The following SNX25 variants were observed in gnomAD, a reference collection of about 807,000 sequenced individuals.
SNX25 encodes sorting nexin-25.
A neutral mutation model predicts 113.7 loss-of-function variants in SNX25; 62 were observed. The observed-to-expected ratio is 0.55, with a 90% confidence interval of 0.44 to 0.67. The LOEUF (loss-of-function observed/expected upper bound fraction) is 0.67. Among genes scored for constraint, SNX25 ranks in the 30% least tolerant of loss-of-function variants. The pLI is 0.00. For synonymous variants in SNX25, 421 were observed against 436.2 expected (o/e 0.97, Z 0.43); for missense variants, 1,014 against 1,161.0 (o/e 0.87, Z 1.84).
intron 10 of SNX25, among the ~76,000 whole-genome samples, chr4:185,338,435 C>A (rs544680090): frequency 1.2e-4 from 18 of 151,932 alleles, no homozygotes; most frequent in Admixed American, 1.2e-3. Context: ...CCCCCAACCC[C>A]CTCCACCACA....
intron 7 of SNX25, among the ~76,000 whole-genome samples, chr4:185,315,536 C>T (rs890693686): frequency 2.0e-5 from 3 of 152,012 alleles, no homozygotes; most frequent in East Asian, 1.9e-4. Context: ...TCAGGTGATC[C>T]GCCTGCCTCT....
intron 2 of SNX25, among the ~76,000 whole-genome samples, chr4:185,247,674 A>AT (rs553103530): frequency 1.4e-4 from 21 of 150,704 alleles, no homozygotes; most frequent in Non-Finnish European, 2.4e-4. Context: ...GGTTTTAGGA[A>AT]TTTTTTTTTT....
At chr4:185,323,833 T>C (rs779411740) in intron 9 of SNX25, 33 bp downstream of exon 9, 1 of 1,602,956 alleles carries the variant, frequency 6.2e-7, no homozygotes, top group Non-Finnish European at 8.5e-7. Flanking sequence ...CTCCTTTTTA[T>C]TGGATAAGCT....
intron 5 of SNX25, among the ~76,000 whole-genome samples, chr4:185,270,256 T>C (rs917975149): frequency 5.3e-5 from 8 of 152,206 alleles, no homozygotes; most frequent in Non-Finnish European, 1.0e-4. Context: ...TTTATTGCAG[T>C]AGGCACATCA....
intron 7 of SNX25, among the ~76,000 whole-genome samples, chr4:185,314,946 CG>C (rs1446850435): frequency 4.8e-5 from 7 of 146,750 alleles, no homozygotes; most frequent in Non-Finnish European, 1.1e-4. Flanking sequence ...AAAACCTTCC[CG>C]GCTGGGCGCG....
At chr4:185,254,891 AT>A (rs1746185715) in intron 2 of SNX25, among the ~76,000 whole-genome samples, 2 of 151,154 alleles carry the variant, frequency 1.3e-5, no homozygotes, top group East Asian at 3.9e-4. Context: ...GTGTTCTTTC[AT>A]TTCTCATTGT....
At chr4:185,337,225 A>G (rs972221799) in intron 10 of SNX25, among the ~76,000 whole-genome samples, 2 of 152,196 alleles carry the variant, frequency 1.3e-5, no homozygotes, top group Non-Finnish European at 1.5e-5. Context: ...AACTGAAACT[A>G]TTAAACAATA....
chr4:185,222,380 TCA>T (rs1740090522), intron 1 of SNX25, among the ~76,000 whole-genome samples: 1 of 151,932 alleles, frequency 6.6e-6, no homozygotes, highest in Non-Finnish European at 1.5e-5. Flanking sequence ...TACCCCTCCC[TCA>T]CGGTAGGTAT....
chr4:185,373,989 G>A, downstream of SNX25: 1 of 680,784 alleles, frequency 1.5e-6, no homozygotes, highest in Non-Finnish European at 2.4e-6. Flanking sequence ...AAAGGGCTTT[G>A]AGATCCTAAA....
At chr4:185,337,271 A>G (rs1313352648) in intron 10 of SNX25, among the ~76,000 whole-genome samples, 1 of 152,112 alleles carries the variant, frequency 6.6e-6, no homozygotes, top group African/African-American at 2.4e-5. Context: ...CTCTGGAAAA[A>G]CCATCATTCT....
At chr4:185,338,784 A>G (rs796193889) in intron 10 of SNX25, among the ~76,000 whole-genome samples, 9 of 152,258 alleles carry the variant, frequency 5.9e-5, no homozygotes, top group African/African-American at 2.2e-4. Context: ...GTTGAAAATC[A>G]CTTTACCATA....
At chr4:185,241,148 G>A (rs778670743) in intron 1 of SNX25, among the ~76,000 whole-genome samples, 265 of 151,902 alleles carry the variant, frequency 1.7e-3, no homozygotes, top group Non-Finnish European at 2.9e-3. Context: ...GGAGGTTGTA[G>A]CGAGCCGAGA....
rs186515038 is a variant in SNX25, at chr4:185,348,771, C to T, written c.2301+2121C>T. Among the ~76,000 whole-genome samples, 21 of 152,316 alleles carry T rather than the reference C, an allele frequency of 1.4e-4. No homozygotes were observed. In the East Asian group the frequency reaches 4.0e-3, roughly 29 times the overall value. ...CTCCTTTTTGATATATAATACTTTA[C>T]TGTTAGCCATAGTCACCCTACTGAG... On this transcript the variant is annotated intron_variant, in intron 13 of 18. Transcript: ENST00000652585.
intron 10 of SNX25, among the ~76,000 whole-genome samples, chr4:185,337,687 C>T (rs1561028686): frequency 1.3e-5 from 2 of 152,196 alleles, no homozygotes; most frequent in Admixed American, 1.3e-4. Flanking sequence ...TCTACCACAA[C>T]ATCTATACCA....
intron 2 of SNX25, among the ~76,000 whole-genome samples, chr4:185,249,476 T>A (rs1276930402): frequency 2.0e-5 from 3 of 152,112 alleles, no homozygotes; most frequent in Admixed American, 6.6e-5. Flanking sequence ...TATAATTTAT[T>A]TATAGTTTTT....
intron 16 of SNX25, among the ~76,000 whole-genome samples, chr4:185,361,468 T>G (rs2095363320): frequency 6.6e-6 from 1 of 152,212 alleles, no homozygotes. Context: ...CCAGGCACGG[T>G]AGCTCATGCC....
intron 9 of SNX25, among the ~76,000 whole-genome samples, chr4:185,331,281 A>G (rs2095192924): frequency 6.6e-6 from 1 of 152,238 alleles, no homozygotes; most frequent in African/African-American, 2.4e-5. Context: ...GAGCATCATT[A>G]GGAATGCGCC....
At chr4:185,229,164 T>C (rs1741453787) in intron 1 of SNX25, among the ~76,000 whole-genome samples, 1 of 152,062 alleles carries the variant, frequency 6.6e-6, no homozygotes, top group African/African-American at 2.4e-5. Flanking sequence ...GCAGTGGAGA[T>C]CTCATCTGTG....
chr4:185,215,691 T>C (rs1348180666), intron 1 of SNX25, among the ~76,000 whole-genome samples: 1 of 152,186 alleles, frequency 6.6e-6, no homozygotes, highest in Non-Finnish European at 1.5e-5. Context: ...AACTGGGGGA[T>C]TTCAGTCATG....
Sources: allele counts gnomAD v4.1 joint callset (sites outside exome capture counted in the v4.1 genomes callset), GRCh38; gene constraint gnomAD v4.1.1; transcripts MANE v1.5; gene names NCBI Gene and HGNC (gene_info 2026-07-23, HGNC 2026-07-21).